INO80C: variants seen among roughly 807,000 people sequenced by gnomAD.
INO80C encodes INO80 complex subunit C, also known as IES6 homolog.
INO80C carries 17 observed loss-of-function variants against 17.7 expected under a neutral mutation model. That is an observed-to-expected ratio of 0.96 (90% CI 0.66 to 1.44). INO80C has a LOEUF of 1.44. Ranked by LOEUF, INO80C falls within the 40% of genes most tolerant of loss-of-function variation. The probability of loss-of-function intolerance (pLI) is 0.00; values close to 1 mark genes in which losing one functional copy is unlikely to be tolerated. For missense variants in INO80C, 244 were observed against 245.0 expected (o/e 1.00, Z 0.03); for synonymous variants, 96 against 95.8 (o/e 1.00, Z -0.01).
At chr18:35,474,244 T>TATATATATATAC (rs1163516427) in intron 4 of INO80C, among the ~76,000 whole-genome samples, 3 of 134,710 alleles carry the variant, frequency 2.2e-5, no homozygotes, top group Non-Finnish European at 3.1e-5. Flanking sequence ...TATATATATA[T>TATATATATATAC]ACTTAATAAC....
At position 35,495,789 on chromosome 18, in the gene INO80C, A is replaced by G. The variant is rs575046961; in HGVS notation, c.156+1930T>C. ...CATCTGGCAAAGGAGTCTAATCAAG[A>G]AAGATAATGTAATGAACTTCTACAC... On this transcript the variant is annotated intron_variant, in intron 1 of 4. Coordinates refer to ENST00000334598, the MANE Select transcript of INO80C (RefSeq NM_194281.4). Among the ~76,000 whole-genome samples the G allele has an allele frequency of 9.7e-4, 147 of 152,324 alleles. 4 individuals are homozygous for G. The South Asian group carries it at 0.029, about 30-fold the overall frequency.
chr18:35,472,643 C>CT (rs2045684339), intron 4 of INO80C, among the ~76,000 whole-genome samples: 3 of 152,010 alleles, frequency 2.0e-5, no homozygotes, highest in Admixed American at 6.5e-5. Context: ...AGAGGTTTTT[C>CT]TTTTTTTTAA....
intron 1 of INO80C, among the ~76,000 whole-genome samples, chr18:35,485,164 T>C (rs1201405943): frequency 6.6e-6 from 1 of 151,512 alleles, no homozygotes; most frequent in Admixed American, 6.6e-5. Flanking sequence ...TGAGGTATAC[T>C]AGGGGTCAGG....
At chr18:35,494,708 T>G (rs1054431278) in intron 1 of INO80C, among the ~76,000 whole-genome samples, 2 of 152,236 alleles carry the variant, frequency 1.3e-5, no homozygotes, top group African/African-American at 4.8e-5. Context: ...TGATTTCAGC[T>G]TTGTGATACC....
intron 1 of INO80C, among the ~76,000 whole-genome samples, chr18:35,483,234 T>C (rs2045834978): frequency 6.6e-6 from 1 of 152,208 alleles, no homozygotes; most frequent in Non-Finnish European, 1.5e-5. Context: ...ATAGTCATCA[T>C]ATTTCTACCA....
intron 1 of INO80C, chr18:35,483,572 A>G (rs1305454691): frequency 1.3e-5 from 2 of 152,224 alleles, no homozygotes; most frequent in African/African-American, 4.8e-5. Context: ...CCTGCTTCTA[A>G]CCCAGTGCCT....
rs545728988 is a variant in INO80C, at chr18:35,491,558, CAG to C, written c.156+6159_156+6160del. On this transcript the variant is annotated intron_variant, in intron 1 of 4. Transcript: ENST00000334598. ...TGGCAGGCTCCCTTCCTTCTCTAACCAGAGACACCCCTGCCCCAGGCCAGAGC... is the reference window on the plus strand; with the variant it reads ...TGGCAGGCTCCCTTCCTTCTCTAACCAGACACCCCTGCCCCAGGCCAGAGC... Among the ~76,000 whole-genome samples the C allele has an allele frequency of 8.5e-5, 13 of 152,164 alleles. No individual in the cohort carries two copies. The South Asian group carries it at 2.7e-3, about 32-fold the overall frequency.
chr18:35,480,212 C>G (rs1429189088), intron 2 of INO80C, among the ~76,000 whole-genome samples: 3 of 152,194 alleles, frequency 2.0e-5, no homozygotes, highest in Non-Finnish European at 4.4e-5. Context: ...AAATGTCCCA[C>G]CCTCCAAACA....
At chr18:35,484,857 A>T (rs914673928) in intron 1 of INO80C, among the ~76,000 whole-genome samples, 2 of 152,230 alleles carry the variant, frequency 1.3e-5, no homozygotes, top group Admixed American at 1.3e-4. Context: ...GGAAAGTATA[A>T]GACTAGAACA....
In INO80C at chr18:35,480,496, T is replaced by C. The variant is rs373752255; in HGVS notation, c.224A>G (p.Glu75Gly). 7 of 1,614,090 alleles carry C rather than the reference T, an allele frequency of 4.3e-6. No individual in the cohort carries two copies. The East Asian group carries it at 1.6e-4, about 36-fold the overall frequency. Residue 75 changes from glutamate (E) to glycine (G), a missense_variant, in exon 2 of 5, where the codon GAA (glutamate) becomes GGA (glycine). By Grantham distance (98) the Glu-to-Gly change is moderately conservative. Transcript: ENST00000334598. ...VPSEFSTGPV[E>G]KAAKPLPFKD... The stretch of plus-strand genomic sequence containing the variant: ...AAATGGCAAAGGTTTGGCAGCTTTT[T>C]CCACAGGTCCTGTGCTAAACTCAGA...
chr18:35,468,473 A>G lies in INO80C; in HGVS notation c.*138T>C. On this transcript the variant is annotated 3_prime_UTR_variant, in exon 5 of 5. Transcript: ENST00000334598. ...TAAAAAAAAAAAAAACCCTTAAATT[A>G]AAGCCAAACATTCTTTCCAAGGCAC... The G allele has an allele frequency of 5.4e-6, 8 of 1,493,420 alleles. No individual in the cohort carries two copies. Among genetic ancestry groups the G allele is most frequent in the Non-Finnish European group, 5.3e-6 (6 of 1,125,824 alleles). 92.5% of individuals were successfully genotyped at this position (1,493,420 alleles called of 1,614,324 possible).
In INO80C at chr18:35,497,834, G is replaced by A. The variant is rs751809601; in HGVS notation, c.41C>T (p.Pro14Leu). 13 of 1,602,760 alleles carry A rather than the reference G, an allele frequency of 8.1e-6. No homozygotes were observed. Among genetic ancestry groups the A allele is most frequent in the Non-Finnish European group, 1.0e-5 (12 of 1,173,554 alleles). ...QIPIVATTSTPGIVRNSKKRP... is the reference protein window; with the variant it reads ...QIPIVATTSTLGIVRNSKKRP... ...CTTCTTGCTGTTCCGGACTATTCCG[G>A]GAGTGGAAGTGGTGGCCACAATTGG... Residue 14 changes from proline to leucine, a missense_variant, in exon 1 of 5, where the codon CCC becomes CTC. By Grantham distance (98) the Pro-to-Leu change is moderately conservative (BLOSUM62 -3). Transcript: ENST00000334598.
chr18:35,478,245 T>C (rs776541653), intron 4 of INO80C, 37 bp downstream of exon 4: 39 of 1,428,892 alleles, frequency 2.7e-5, no homozygotes, highest in Middle Eastern at 1.8e-4. Context: ...GTGAAATCTT[T>C]TCCATTTAAT....
intron 1 of INO80C, among the ~76,000 whole-genome samples, chr18:35,488,229 T>A (rs1175218791): frequency 6.6e-6 from 1 of 152,198 alleles, no homozygotes; most frequent in African/African-American, 2.4e-5. Context: ...GCTAGGCAGT[T>A]TCCCAGTGGG....
chr18:35,479,266 A>T, intron 3 of INO80C, 34 bp downstream of exon 3: 1 of 1,323,630 alleles, frequency 7.6e-7, no homozygotes, highest in East Asian at 2.3e-5. Flanking sequence ...TACTCTGAAC[A>T]TTACAAACAC....
intron 4 of INO80C, among the ~76,000 whole-genome samples, chr18:35,472,394 A>G (rs2144027180): frequency 6.6e-6 from 1 of 152,292 alleles, no homozygotes; most frequent in South Asian, 2.1e-4. Context: ...GGCTGCATAA[A>G]TGTCTTCTTT....
chr18:35,494,204 T>C (rs921567778), intron 1 of INO80C, among the ~76,000 whole-genome samples: 1 of 152,198 alleles, frequency 6.6e-6, no homozygotes, highest in African/African-American at 2.4e-5. Context: ...CATTACTATA[T>C]CTTCCTAATG....
chr18:35,474,203 G>A (rs1361595294), intron 4 of INO80C, among the ~76,000 whole-genome samples: 4 of 62,056 alleles, frequency 6.4e-5, no homozygotes, highest in African/African-American at 1.3e-4. Flanking sequence ...ATGTGTGTGT[G>A]TGTCTATATA....
intron 4 of INO80C, among the ~76,000 whole-genome samples, chr18:35,475,734 C>T (rs952621749): frequency 2.6e-5 from 4 of 151,550 alleles, no homozygotes; most frequent in African/African-American, 9.7e-5. Context: ...GAAAGGACTT[C>T]GTTAGTAGCA....
Sources: allele counts gnomAD v4.1 joint callset (sites outside exome capture counted in the v4.1 genomes callset), GRCh38; gene constraint gnomAD v4.1.1; transcripts MANE v1.5; gene names NCBI Gene and HGNC (gene_info 2026-07-23, HGNC 2026-07-21).